Variants in PDE11A observed in about 807,000 individuals in gnomAD.
The protein encoded by PDE11A is dual 3',5'-cyclic-AMP and -GMP phosphodiesterase 11A.
A neutral mutation model predicts 100.5 loss-of-function variants in PDE11A; 100 were observed. That is an observed-to-expected ratio of 1.00 (90% CI 0.85 to 1.18). The LOEUF is 1.18. Ranked by LOEUF, PDE11A falls within the 50% of genes most tolerant of loss-of-function variation. The pLI is 0.00. For synonymous variants in PDE11A, 381 were observed against 420.8 expected (o/e 0.91, Z 1.16); for missense variants, 1,141 against 1,152.6 (o/e 0.99, Z 0.15).
chr2:177,861,502 T>A (rs2083945186), intron 5 of PDE11A, among the ~76,000 whole-genome samples: 1 of 151,892 alleles, frequency 6.6e-6, no homozygotes, highest in Non-Finnish European at 1.5e-5. Context: ...ACTCTCCAAA[T>A]TGATTGACAG....
intron 12 of PDE11A, among the ~76,000 whole-genome samples, chr2:177,712,753 C>T (rs1192061616): frequency 6.6e-6 from 1 of 152,092 alleles, no homozygotes; most frequent in Admixed American, 6.5e-5. Context: ...TTTTCTTGAT[C>T]GAAGGCCTTT....
Position 177,765,206 on chromosome 2 carries a change from T to C in PDE11A, c.1788+4117A>G, listed in dbSNP as rs7566399. Among the ~76,000 whole-genome samples the C allele has an allele frequency of 6.7e-3, 1,017 of 152,138 alleles. 14 individuals carry two copies. Among genetic ancestry groups the C allele is most frequent in the African/African-American group, 0.023 (949 of 41,508 alleles). On this transcript the variant is annotated intron_variant, in intron 10 of 19. Transcript: ENST00000286063. ...CTCTCCCTAACAAGGCATTCTAGAA[T>C]AGGGGGAGAAAATCCCAAAACATAA...
intron 6 of PDE11A, among the ~76,000 whole-genome samples, chr2:177,830,125 T>C (rs1482006939): frequency 6.6e-6 from 1 of 152,116 alleles, no homozygotes; most frequent in South Asian, 2.1e-4. Flanking sequence ...AGAGCCTCAA[T>C]CTACAACTGC....
chr2:178,026,827 A>G (rs1300577094), intron 1 of PDE11A, among the ~76,000 whole-genome samples: 4 of 152,136 alleles, frequency 2.6e-5, no homozygotes, highest in African/African-American at 9.7e-5. Context: ...AAAATTATGG[A>G]TTATTCAACT....
intron 2 of PDE11A, chr2:177,997,298 C>A: frequency 1.0e-6 from 1 of 984,660 alleles, no homozygotes; most frequent in Non-Finnish European, 1.6e-6. Flanking sequence ...CAAATTGCTG[C>A]TATATTTCTC....
In PDE11A at chr2:177,759,526, G is replaced by A. The variant is rs1043760909; in HGVS notation, c.1788+9797C>T. 3.3e-5 allele frequency among the ~76,000 whole-genome samples: 5 copies of A among 152,032 alleles called. No individual in the cohort carries two copies. The East Asian group carries it at 5.8e-4, about 18-fold the overall frequency. ...CAATCTCATATCCTTGTTATCTTTC[G>A]TACAAGGTACTTGGCAGGCCTGGAG... On this transcript the variant is annotated intron_variant, in intron 10 of 19. Coordinates refer to ENST00000286063, the MANE Select transcript of PDE11A (RefSeq NM_016953.4).
chr2:177,849,411 A>G (rs2083658620), intron 5 of PDE11A, among the ~76,000 whole-genome samples: 1 of 152,184 alleles, frequency 6.6e-6, no homozygotes, highest in South Asian at 2.1e-4. Flanking sequence ...AGCATGAGTA[A>G]AGCTTTAAAA....
chr2:177,848,375 C>T (rs1398677045), intron 5 of PDE11A, among the ~76,000 whole-genome samples: 1 of 152,118 alleles, frequency 6.6e-6, no homozygotes, highest in Non-Finnish European at 1.5e-5. Flanking sequence ...CATAGTTAAC[C>T]ACTTAATAGC....
chr2:177,920,431 A>G (rs10191328), intron 2 of PDE11A, among the ~76,000 whole-genome samples: 13,054 of 152,164 alleles, frequency 0.086, 530 homozygotes, highest in South Asian at 0.099. Flanking sequence ...TGTTCAGGAC[A>G]CTAATTATCA....
chr2:178,092,001 T>C (rs562849978), intron 2 of PDE11A, among the ~76,000 whole-genome samples: 6 of 152,304 alleles, frequency 3.9e-5, no homozygotes, highest in African/African-American at 1.4e-4. Flanking sequence ...AAGGTCAACA[T>C]TGGCTCTTTT....
At chr2:177,663,226 G>A (rs2080509661) in intron 19 of PDE11A, among the ~76,000 whole-genome samples, 1 of 145,168 alleles carries the variant, frequency 6.9e-6, no homozygotes, top group Non-Finnish European at 1.5e-5. Context: ...CTTTCAGAAG[G>A]AGAGGCCTAC....
chr2:177,755,562 C>A (rs368326682), intron 10 of PDE11A, among the ~76,000 whole-genome samples: 2 of 152,150 alleles, frequency 1.3e-5, no homozygotes, highest in African/African-American at 4.8e-5. Flanking sequence ...CTGCTGCGAC[C>A]CCATGTTTCC....
intron 10 of PDE11A, among the ~76,000 whole-genome samples, chr2:177,747,227 T>C (rs1474800917): frequency 6.6e-6 from 1 of 152,204 alleles, no homozygotes; most frequent in Non-Finnish European, 1.5e-5. Flanking sequence ...GCATCAATGA[T>C]TTTGTCAGGG....
chr2:178,073,651 G>A (rs1294226259), upstream of PDE11A, among the ~76,000 whole-genome samples: 2 of 152,176 alleles, frequency 1.3e-5, no homozygotes, highest in African/African-American at 4.8e-5. Context: ...AATGTTAGCT[G>A]TTGTATTACT....
rs554681877 is a variant in PDE11A, at chr2:177,980,140, G to A, written c.1071+34162C>T. 2.7e-5 allele frequency among the ~76,000 whole-genome samples: 4 copies of A among 150,030 alleles called. No individual in the cohort carries two copies. In the East Asian group the frequency reaches 7.8e-4, roughly 29 times the overall value. On this transcript the variant is annotated intron_variant, in intron 2 of 19. Transcript: ENST00000286063. ...CTACTGCTTTAAGGTAGACCAATAA[G>A]TAGAAAGTGACATCCTAAAAAAAAA...
intron 4 of PDE11A, among the ~76,000 whole-genome samples, chr2:177,880,792 T>C (rs543114536): frequency 4.6e-5 from 7 of 152,316 alleles, no homozygotes; most frequent in Non-Finnish European, 5.9e-5. Context: ...ATGAAGATAC[T>C]GATGTTTACT....
At chr2:177,962,056 CAAAAAAAAAAAA>C (rs34148492) in intron 2 of PDE11A, among the ~76,000 whole-genome samples, 1 of 66,348 alleles carries the variant, frequency 1.5e-5, no homozygotes, top group Non-Finnish European at 2.7e-5. Context: ...GACACTGTCT[CAAAAAAAAAAAA>C]AAAAAAAAAA....
At chr2:177,970,387 C>T (rs1236560653) in intron 2 of PDE11A, among the ~76,000 whole-genome samples, 1 of 151,904 alleles carries the variant, frequency 6.6e-6, no homozygotes, top group Non-Finnish European at 1.5e-5. Context: ...ATTTCTAGGT[C>T]ACATCGATAG....
At chr2:177,916,397 C>A (rs3108476) in intron 2 of PDE11A, among the ~76,000 whole-genome samples, 50,509 of 152,066 alleles carry the variant, frequency 0.33, 10,062 homozygotes, top group East Asian at 0.53. Context: ...TCTGATTTCA[C>A]TTTCCTACAT....
Sources: allele counts gnomAD v4.1 joint callset (sites outside exome capture counted in the v4.1 genomes callset), GRCh38; gene constraint gnomAD v4.1.1; transcripts MANE v1.5; gene names NCBI Gene and HGNC (gene_info 2026-07-23, HGNC 2026-07-21).